The following KDM5B variants were observed in gnomAD, a reference collection of about 807,000 sequenced individuals.
The protein encoded by KDM5B is lysine-specific demethylase 5B.
KDM5B carries 144 observed loss-of-function variants against 193.4 expected under a neutral mutation model. The observed-to-expected ratio is 0.74, with a 90% CI of 0.65 to 0.86. KDM5B has a LOEUF of 0.86. Among genes scored for constraint, KDM5B ranks in the 40% least tolerant of loss-of-function variants. KDM5B has a pLI of 0.00. For synonymous variants in KDM5B, 668 were observed against 682.6 expected (o/e 0.98, Z 0.33); for missense variants, 1,833 against 1,886.9 (o/e 0.97, Z 0.53).
intron 1 of KDM5B, among the ~76,000 whole-genome samples, chr1:202,803,108 C>G (rs1013378752): frequency 6.6e-5 from 10 of 151,808 alleles, no homozygotes; most frequent in Non-Finnish European, 1.5e-5. Flanking sequence ...CTGCAGGGAG[C>G]CTTGATTGCA....
At chr1:202,748,914 C>A (rs1270102636) in intron 14 of KDM5B, 31 bp downstream of exon 14, 2 of 1,558,626 alleles carry the variant, frequency 1.3e-6, no homozygotes, top group East Asian at 2.3e-5. Flanking sequence ...TACCCAATGA[C>A]AACATGCAGT....
chr1:202,744,558 A>G (rs988898516), intron 16 of KDM5B, among the ~76,000 whole-genome samples: 2 of 152,202 alleles, frequency 1.3e-5, no homozygotes, highest in Non-Finnish European at 2.9e-5. Context: ...ACTCCGTCTC[A>G]AAACAAAAAC....
chr1:202,753,115 C>T, intron 11 of KDM5B, 48 bp from the exon 12 acceptor site: 1 of 1,515,326 alleles, frequency 6.6e-7, no homozygotes, highest in African/African-American at 1.4e-5. Flanking sequence ...CCAACACAAA[C>T]AAAATGGGTT....
intron 1 of KDM5B, among the ~76,000 whole-genome samples, chr1:202,798,808 G>C (rs1657956027): frequency 6.6e-6 from 1 of 152,120 alleles, no homozygotes; most frequent in African/African-American, 2.4e-5. Flanking sequence ...GATGGCTTAA[G>C]GCCAGGAGTT....
intron 1 of KDM5B, among the ~76,000 whole-genome samples, chr1:202,781,033 C>T (rs778685472): frequency 1.3e-4 from 20 of 152,106 alleles, no homozygotes; most frequent in Non-Finnish European, 2.1e-4. Context: ...ATAAAAATGA[C>T]GGCCAGGCAC....
At chr1:202,746,715 G>A (rs1271082859) in intron 14 of KDM5B, 1 of 157,102 alleles carries the variant, frequency 6.4e-6, no homozygotes, top group East Asian at 1.8e-4. Flanking sequence ...GAAATATGGA[G>A]AATCTATTAA....
intron 1 of KDM5B, among the ~76,000 whole-genome samples, chr1:202,785,683 G>A (rs932253150): frequency 6.6e-6 from 1 of 152,098 alleles, no homozygotes; most frequent in Non-Finnish European, 1.5e-5. Context: ...AAGCCAAGGC[G>A]GGCAGATCAT....
intron 4 of KDM5B, among the ~76,000 whole-genome samples, chr1:202,772,083 G>T (rs1656744037): frequency 6.6e-6 from 1 of 152,104 alleles, no homozygotes; most frequent in Non-Finnish European, 1.5e-5. Context: ...TATAGTATTA[G>T]GACAGGACTT....
intron 1 of KDM5B, among the ~76,000 whole-genome samples, chr1:202,779,090 T>G (rs1483976724): frequency 6.6e-6 from 1 of 152,192 alleles, no homozygotes; most frequent in Non-Finnish European, 1.5e-5. Context: ...TTTTACATCC[T>G]TGTTTGTTTT....
chr1:202,740,556 C>T (rs1037836349), intron 20 of KDM5B, 118 bp downstream of exon 20: 13 of 922,862 alleles, frequency 1.4e-5, no homozygotes, highest in East Asian at 6.0e-5. Context: ...CCTCACCTCC[C>T]GGACGGGGCG....
chr1:202,750,907 CA>C (rs1655764819), intron 12 of KDM5B, 129 bp from the exon 13 acceptor site: 2 of 854,334 alleles, frequency 2.3e-6, no homozygotes, highest in Non-Finnish European at 3.6e-6. Context: ...CCAGAAAAAA[CA>C]AATTATTATA....
chr1:202,736,643 G>GT (rs930869614), intron 20 of KDM5B, among the ~76,000 whole-genome samples: 61 of 147,954 alleles, frequency 4.1e-4, no homozygotes, highest in Middle Eastern at 3.5e-3. Flanking sequence ...TGGTAGTGTT[G>GT]TTTTTTTTTT....
chr1:202,755,602 T>G (rs1368768431), intron 10 of KDM5B, 150 bp from the exon 11 acceptor site: 18 of 627,678 alleles, frequency 2.9e-5, no homozygotes, highest in Non-Finnish European at 4.6e-5. Flanking sequence ...GCCCAGAGAT[T>G]CGTTTTGCCC....
Position 202,752,949 on chromosome 1 carries a change from C to A in KDM5B, c.1657G>T (p.Val553Leu), listed in dbSNP as rs746994250. Residue 553 changes from valine to leucine, a missense_variant, in exon 12 of 27, where the codon GTG becomes TTG. This residue lies in a region of KDM5B where 1,379 missense variants were observed against 1,349.6 expected (regional missense o/e 1.02). Transcript: ENST00000367265. ...VSQPDLLHQL[V>L]TIMNPNTLMT... ...AGGGTATTGGGGTTCATGATGGTCA[C>A]AAGCTGATGGAGGAGATCCGGCTGG... The A allele has an allele frequency of 6.2e-7, 1 of 1,614,148 alleles. No individual in the cohort carries two copies. Among genetic ancestry groups the A allele is most frequent in the Non-Finnish European group, 8.5e-7 (1 of 1,180,026 alleles).
rs996027814 is a variant in KDM5B, at chr1:202,726,108, C to T, written c.*2928G>A. The T allele has an allele frequency of 3.3e-5, 5 of 152,186 alleles. No homozygotes were observed. Among genetic ancestry groups the T allele is most frequent in the Admixed American group, 3.3e-4 (5 of 15,282 alleles). 9.4% of individuals were successfully genotyped at this position (152,186 alleles called of 1,614,324 possible). ...TTCTTAGGCTAATCTTGCACTAATA[C>T]CCAAAGGGCCATGTTGCTTTTGATG... On this transcript the variant is annotated 3_prime_UTR_variant, in exon 27 of 27. Coordinates refer to ENST00000367265, the MANE Select transcript of KDM5B (RefSeq NM_006618.5).
chr1:202,736,728 A>AC (rs1387044291), intron 20 of KDM5B, among the ~76,000 whole-genome samples: 5 of 150,826 alleles, frequency 3.3e-5, no homozygotes, highest in Non-Finnish European at 7.4e-5. Flanking sequence ...TGCAACCTCT[A>AC]CCTCCTGGGT....
intron 1 of KDM5B, among the ~76,000 whole-genome samples, chr1:202,803,078 T>A (rs1658138767): frequency 6.6e-6 from 1 of 151,890 alleles, no homozygotes; most frequent in Non-Finnish European, 1.5e-5. Flanking sequence ...GGAGGAGCAC[T>A]TGAGCCCAAG....
chr1:202,750,831 A>ACCC, intron 12 of KDM5B, 53 bp from the exon 13 acceptor site: 1 of 1,566,408 alleles, frequency 6.4e-7, no homozygotes, highest in African/African-American at 1.4e-5. Context: ...TGACATTGTT[A>ACCC]CTAAAGACAA....
chr1:202,754,105 T>G (rs1655913135), intron 11 of KDM5B, among the ~76,000 whole-genome samples: 1 of 152,248 alleles, frequency 6.6e-6, no homozygotes, highest in African/African-American at 2.4e-5. Flanking sequence ...CGAAGTTAAA[T>G]CAAACACTAG....
Sources: allele counts gnomAD v4.1 joint callset (sites outside exome capture counted in the v4.1 genomes callset), GRCh38; gene constraint gnomAD v4.1.1; regional missense constraint gnomAD v4.1.1; transcripts MANE v1.5; gene names NCBI Gene and HGNC (gene_info 2026-07-23, HGNC 2026-07-21).